GTF2H1: variants seen among roughly 807,000 people sequenced by gnomAD.
GTF2H1 encodes general transcription factor IIH subunit 1, also known as BTF2 p62.
In GTF2H1, 16 loss-of-function variants were observed where a neutral mutation model predicts 71.2. The observed-to-expected ratio is 0.22, with a 90% confidence interval of 0.15 to 0.34. GTF2H1 has a LOEUF of 0.34. Among genes scored for constraint, GTF2H1 ranks in the 10% least tolerant of loss-of-function variants. The pLI is 1.00. For synonymous variants in GTF2H1, 215 were observed against 219.0 expected (o/e 0.98, Z 0.16); for missense variants, 498 against 648.2 (o/e 0.77, Z 2.52).
chr11:18,339,494 GTGT>G, intron 4 of GTF2H1, 67 bp from the exon 5 acceptor site: 1 of 1,022,866 alleles, frequency 9.8e-7, no homozygotes, highest in Non-Finnish European at 1.5e-6. Flanking sequence ...CCTTTGTCCA[GTGT>G]CCACTGGGAC....
chr11:18,329,125 A>C (rs575379737), intron 1 of GTF2H1, among the ~76,000 whole-genome samples: 1 of 152,236 alleles, frequency 6.6e-6, no homozygotes, highest in African/African-American at 2.4e-5. Context: ...AGGTGGGTAC[A>C]GATAAGGTAA....
chr11:18,345,337 TTG>T (rs544612812), intron 7 of GTF2H1, among the ~76,000 whole-genome samples: 47 of 152,306 alleles, frequency 3.1e-4, no homozygotes, highest in African/African-American at 2.4e-4. Context: ...TCAAAAAATA[TTG>T]TGTTTACCTT....
chr11:18,335,806 A>G lies in GTF2H1; in HGVS notation c.207A>G (p.Leu69=), dbSNP rs774838133. 3.1e-6 allele frequency: 5 copies of G among 1,614,090 alleles called. No individual in the cohort carries two copies. Among genetic ancestry groups the G allele is most frequent in the Middle Eastern group, 1.6e-4 (1 of 6,062 alleles). The change falls in exon 3 of 15, where the codon CTA becomes CTG. Residue 69 remains leucine (L), a synonymous_variant. Coordinates refer to ENST00000265963, the MANE Select transcript of GTF2H1 (RefSeq NM_005316.4). The part of the protein sequence containing the change: ...GKAKIQLQLV[L]HAGDTTNFHF... ...CTAAAATTCAGCTTCAGCTGGTCCT[A>G]CATGCAGGGGACACAACTAACTTCC... is the stretch of plus-strand genomic sequence containing the variant.
chr11:18,335,870 G>T lies in GTF2H1; in HGVS notation c.271G>T (p.Ala91Ser). The change falls in exon 3 of 15, where the codon GCA becomes TCA. Residue 91 changes from alanine to serine, a missense_variant. Transcript: ENST00000265963. ...NESTAVKERD[A>S]VKDLLQQLLP... is the part of the protein sequence containing the mutation. The stretch of plus-strand genomic sequence containing the variant: ...AAGCACAGCAGTGAAAGAGCGAGAT[G>T]CAGTAAAAGACCTTCTTCAGCAGCT... The T allele has an allele frequency of 1.2e-6, 2 of 1,614,074 alleles. No homozygotes were observed. The highest frequency in any genetic ancestry group is 1.7e-6 in the Non-Finnish European group (2 of 1,179,922).
intron 11 of GTF2H1, among the ~76,000 whole-genome samples, chr11:18,356,327 G>A (rs963951941): frequency 3.4e-5 from 5 of 147,626 alleles, no homozygotes; most frequent in East Asian, 2.0e-4. Context: ...GCAGTGAGCC[G>A]AGATCGCACC....
chr11:18,347,964 A>G (rs547227808), intron 9 of GTF2H1, 45 bp downstream of exon 9: 4 of 1,239,472 alleles, frequency 3.2e-6, no homozygotes, highest in African/African-American at 3.0e-5. Context: ...AAGTTTCTCC[A>G]AATACTTTAT....
In GTF2H1 at chr11:18,347,859, G is replaced by A. The variant is rs370129342; in HGVS notation, c.993G>A (p.Glu331=). The change falls in exon 9 of 15, where the codon GAG becomes GAA. Residue 331 remains glutamate, a synonymous_variant. Transcript: ENST00000265963. ...KQEAQNEQTS[E]PSNMDGNSGD... ...AAGCACAAAATGAACAAACTAGTGA[G>A]CCCAGCAACATGGATGGAAATTCCG... 2 of 1,612,724 alleles carry A rather than the reference G, an allele frequency of 1.2e-6. No individual in the cohort carries two copies. Among genetic ancestry groups the A allele is most frequent in the Non-Finnish European group, 8.5e-7 (1 of 1,179,560 alleles).
intron 1 of GTF2H1, among the ~76,000 whole-genome samples, chr11:18,330,986 A>T (rs374714088): frequency 3.9e-5 from 6 of 152,084 alleles, no homozygotes; most frequent in Non-Finnish European, 8.8e-5. Flanking sequence ...TTTTCCCTGT[A>T]TTTTTTATTT....
In GTF2H1 at chr11:18,340,572, G is replaced by GC. The variant is rs200983621; in HGVS notation, c.608-687dup. 5.8e-3 allele frequency among the ~76,000 whole-genome samples: 881 copies of GC among 152,302 alleles called. 7 individuals carry two copies. Among genetic ancestry groups the GC allele is most frequent in the Middle Eastern group, 0.027 (8 of 294 alleles). On this transcript the variant is annotated intron_variant, in intron 5 of 14. Coordinates refer to ENST00000265963, the MANE Select transcript of GTF2H1 (RefSeq NM_005316.4). ...CAAAGTGCTGAGATTACAGGCTTGA[G>GC]CCACAGCATCTGGCTCTTTTGTATC...
Position 18,338,174 on chromosome 11 carries a change from G to C in GTF2H1, c.413G>C (p.Ser138Thr), listed in dbSNP as rs1334512678. ...GACCTTGTTGTGAGTCAAGTGATCA[G>C]TGCTGAGGAATTCTGGGCCAATCGT... ...YKDLVVSQVI[S>T]AEEFWANRLN... Residue 138 changes from serine to threonine, a missense_variant, in exon 4 of 15, where the codon AGT (serine) becomes ACT (threonine). Ser to Thr is a moderately conservative substitution (Grantham distance 58). Around this residue, in one of 3 missense-constraint regions of GTF2H1, gnomAD observed 216 missense variants for 306.2 expected, o/e 0.71. Transcript: ENST00000265963. 6.2e-7 allele frequency: 1 copy of C among 1,608,040 alleles called. No homozygotes were observed. The highest frequency in any genetic ancestry group is 1.3e-5 in the African/African-American group (1 of 74,788).
intron 11 of GTF2H1, among the ~76,000 whole-genome samples, chr11:18,354,851 C>T (rs1022758018): frequency 6.6e-6 from 1 of 152,056 alleles, no homozygotes; most frequent in Non-Finnish European, 1.5e-5. Context: ...CTCTGTCACC[C>T]AGGCTGAAGT....
At chr11:18,364,236 A>T (rs1865770557) in intron 14 of GTF2H1, among the ~76,000 whole-genome samples, 1 of 152,194 alleles carries the variant, frequency 6.6e-6, no homozygotes, top group African/African-American at 2.4e-5. Flanking sequence ...CATAATGATA[A>T]ACAGGTATGG....
At chr11:18,351,647 A>C in intron 9 of GTF2H1, 1 of 283,458 alleles carries the variant, frequency 3.5e-6, no homozygotes, top group South Asian at 9.5e-5. Flanking sequence ...CAGATTGGCA[A>C]AAGTAAAAAG....
At chr11:18,331,896 G>A (rs1864908473) in intron 1 of GTF2H1, among the ~76,000 whole-genome samples, 1 of 152,174 alleles carries the variant, frequency 6.6e-6, no homozygotes, top group South Asian at 2.1e-4. Context: ...GTCTCACTCA[G>A]TCACCCAGGT....
chr11:18,342,252 C>CTTTTTTTTTTTTTT (rs71047585), intron 7 of GTF2H1, among the ~76,000 whole-genome samples: 1 of 72,720 alleles, frequency 1.4e-5, no homozygotes, highest in African/African-American at 5.1e-5. Flanking sequence ...TTTTCTGTCT[C>CTTTTTTTTTTTTTT]TTTTTTTTTT....
intron 11 of GTF2H1, among the ~76,000 whole-genome samples, chr11:18,355,414 A>T (rs183147586): frequency 7.5e-4 from 113 of 151,424 alleles, no homozygotes; most frequent in Non-Finnish European, 1.4e-3. Flanking sequence ...AAGTGCTGGG[A>T]TTACAGGCGT....
chr11:18,343,508 T>A (rs1161744822), intron 7 of GTF2H1, among the ~76,000 whole-genome samples: 1 of 152,212 alleles, frequency 6.6e-6, no homozygotes, highest in African/African-American at 2.4e-5. Context: ...TATCACAGGC[T>A]ATGATCTATG....
intron 1 of GTF2H1, chr11:18,324,178 G>C (rs1435357608): frequency 6.6e-6 from 1 of 152,166 alleles, no homozygotes; most frequent in East Asian, 1.9e-4. Flanking sequence ...AGCCTCCCCA[G>C]CGGCTGGGAT....
chr11:18,336,460 G>T (rs1366797692), intron 3 of GTF2H1, among the ~76,000 whole-genome samples: 1 of 152,084 alleles, frequency 6.6e-6, no homozygotes, highest in Non-Finnish European at 1.5e-5. Context: ...ATACTGTAAT[G>T]TAGGAAAATA....
Sources: allele counts gnomAD v4.1 joint callset (sites outside exome capture counted in the v4.1 genomes callset), GRCh38; gene constraint gnomAD v4.1.1; regional missense constraint gnomAD v4.1.1; transcripts MANE v1.5; gene names NCBI Gene and HGNC (gene_info 2026-07-23, HGNC 2026-07-21).